DPP6: variants seen among roughly 807,000 people sequenced by gnomAD.
DPP6 encodes the protein A-type potassium channel modulatory protein DPP6.
Under a neutral mutation model 122.6 loss-of-function variants are expected in DPP6, and 69 were observed. The ratio of observed to expected loss-of-function variants is 0.56; its 90% CI spans 0.46 to 0.69. The LOEUF (loss-of-function observed/expected upper bound fraction) is 0.69, where lower values mean the gene tolerates loss of function less well. Ranked by LOEUF, DPP6 falls within the 30% of genes least tolerant of loss-of-function variation. DPP6 has a pLI of 0.00. For missense variants in DPP6, 928 were observed against 1,116.9 expected (o/e 0.83, Z 2.41); for synonymous variants, 418 against 433.1 (o/e 0.97, Z 0.43).
chr7:154,100,921 C>G (rs868830470), intron 1 of DPP6, among the ~76,000 whole-genome samples: 2 of 144,166 alleles, frequency 1.4e-5, no homozygotes, highest in African/African-American at 4.9e-5. Context: ...TGCTGTGAAG[C>G]CTGCCCTTCC....
At chr7:154,881,055 T>A in intron 21 of DPP6, 113 bp downstream of exon 21, 1 of 1,406,412 alleles carries the variant, frequency 7.1e-7, no homozygotes, top group Non-Finnish European at 9.3e-7. Flanking sequence ...GGTGAGCAAG[T>A]AATTTTTTAA....
the DPP6 span, among the ~76,000 whole-genome samples, chr7:153,871,728 C>T: frequency 2.0e-5 from 3 of 152,196 alleles, no homozygotes; most frequent in African/African-American, 7.2e-5. Context: ...AGAAATCACC[C>T]ACCTTCTGCG....
At chr7:154,616,810 A>C (rs1055271982) in intron 5 of DPP6, among the ~76,000 whole-genome samples, 10 of 152,206 alleles carry the variant, frequency 6.6e-5, no homozygotes, top group African/African-American at 2.4e-4. Context: ...AACATGCTGG[A>C]ATGTTAAACG....
chr7:154,156,793 A>T (rs879768199), intron 1 of DPP6, among the ~76,000 whole-genome samples: 1 of 148,628 alleles, frequency 6.7e-6, no homozygotes, highest in Admixed American at 6.7e-5. Context: ...AGGTAGGTAG[A>T]TAGATAGATA....
At chr7:154,480,672 C>A (rs1454774085) in intron 3 of DPP6, among the ~76,000 whole-genome samples, 2 of 152,244 alleles carry the variant, frequency 1.3e-5, no homozygotes, top group East Asian at 3.9e-4. Flanking sequence ...AAATATCCTC[C>A]ATTTACTGAT....
Position 154,510,813 on chromosome 7 carries a change from C to T in DPP6, c.458-29719C>T, listed in dbSNP as rs142171263. Among the ~76,000 whole-genome samples the T allele has an allele frequency of 3.3e-5, 5 of 151,962 alleles. No individual in the cohort carries two copies. In the East Asian group the frequency reaches 9.7e-4, roughly 29 times the overall value. ...ACACTAAAAACCACTAAATTATATACCTAACTGGGTGAATTTATTTGTATG... is the reference window on the plus strand; with the variant it reads ...ACACTAAAAACCACTAAATTATATATCTAACTGGGTGAATTTATTTGTATG... On this transcript the variant is annotated intron_variant, in intron 3 of 25. Transcript: ENST00000377770.
intron 1 of DPP6, among the ~76,000 whole-genome samples, chr7:154,087,586 T>C (rs545407338): frequency 5.3e-4 from 81 of 152,198 alleles, no homozygotes; most frequent in Admixed American, 9.2e-4. Flanking sequence ...TAACAGTGAG[T>C]GATTGTTCTT....
At chr7:154,798,355 A>G (rs1353762996) in intron 12 of DPP6, among the ~76,000 whole-genome samples, 2 of 152,190 alleles carry the variant, frequency 1.3e-5, no homozygotes, top group Admixed American at 6.5e-5. Context: ...AACAGCTACT[A>G]AAGTGTGGGG....
At chr7:154,611,474 C>T (rs1373144634) in intron 5 of DPP6, among the ~76,000 whole-genome samples, 2 of 152,070 alleles carry the variant, frequency 1.3e-5, no homozygotes. Context: ...GATGTTTTGT[C>T]TTTTGGTTCT....
chr7:154,301,666 T>C (rs1376367036), intron 1 of DPP6, among the ~76,000 whole-genome samples: 2 of 152,140 alleles, frequency 1.3e-5, no homozygotes, highest in Non-Finnish European at 2.9e-5. Context: ...ACCTTTAGCT[T>C]GAGAGGATAA....
At chr7:154,818,903 A>T (rs1393937892) in intron 16 of DPP6, among the ~76,000 whole-genome samples, 3 of 152,206 alleles carry the variant, frequency 2.0e-5, no homozygotes, top group Non-Finnish European at 2.9e-5. Flanking sequence ...GGAACATGTC[A>T]CACTCTTCAG....
intron 1 of DPP6, among the ~76,000 whole-genome samples, chr7:154,240,493 C>T (rs1801521197): frequency 6.6e-6 from 1 of 152,164 alleles, no homozygotes; most frequent in Non-Finnish European, 1.5e-5. Flanking sequence ...CTCCATCTTC[C>T]ATCCCATGCC....
the DPP6 span, among the ~76,000 whole-genome samples, chr7:153,863,911 T>A: frequency 6.6e-6 from 1 of 152,250 alleles, no homozygotes; most frequent in African/African-American, 2.4e-5. Flanking sequence ...ATCAGTACTT[T>A]ATTCCCTTTA....
At chr7:154,050,799 TAAAGTG>T (rs1800261654), upstream of DPP6, among the ~76,000 whole-genome samples, 3 of 138,112 alleles carry the variant, frequency 2.2e-5, no homozygotes, top group African/African-American at 5.6e-5. Context: ...TGCTATTTTT[TAAAGTG>T]TTTTTAAACT....
At chr7:154,236,122 G>A (rs11773157) in intron 1 of DPP6, among the ~76,000 whole-genome samples, 11,200 of 152,004 alleles carry the variant, frequency 0.074, 858 homozygotes, top group African/African-American at 0.19. Context: ...CAAAGTGCTG[G>A]GATTACAGAT....
At chr7:154,792,353 G>A (rs1257143043) in intron 10 of DPP6, among the ~76,000 whole-genome samples, 1 of 152,192 alleles carries the variant, frequency 6.6e-6, no homozygotes, top group African/African-American at 2.4e-5. Context: ...CCTCCAGTGT[G>A]GACTCAAAGA....
intron 1 of DPP6, among the ~76,000 whole-genome samples, chr7:153,988,224 C>T (rs140856706): frequency 2.0e-5 from 3 of 152,188 alleles, no homozygotes; most frequent in East Asian, 1.9e-4. Flanking sequence ...AAGAAGCTGG[C>T]GCCTTTTGCT....
chr7:154,606,180 T>C (rs1833583245), intron 5 of DPP6, among the ~76,000 whole-genome samples: 1 of 120,280 alleles, frequency 8.3e-6, no homozygotes, highest in Admixed American at 9.4e-5. Context: ...GTTGCAATAT[T>C]CTCTATCCTT....
chr7:154,716,435 G>A (rs1248123425), intron 7 of DPP6, among the ~76,000 whole-genome samples: 1 of 152,092 alleles, frequency 6.6e-6, no homozygotes, highest in Admixed American at 6.6e-5. Context: ...TCCACACATG[G>A]ATGCTGACAT....
Sources: allele counts gnomAD v4.1 joint callset (sites outside exome capture counted in the v4.1 genomes callset), GRCh38; gene constraint gnomAD v4.1.1; transcripts MANE v1.5; gene names NCBI Gene and HGNC (gene_info 2026-07-23, HGNC 2026-07-21).